The following PLCH1 variants were observed in gnomAD, a reference collection of about 807,000 sequenced individuals.
The protein encoded by PLCH1 is 1-phosphatidylinositol 4,5-bisphosphate phosphodiesterase eta-1.
PLCH1 carries 60 observed loss-of-function variants against 126.7 expected under a neutral mutation model. The observed-to-expected ratio is 0.47, with a 90% CI of 0.38 to 0.59. PLCH1 has a LOEUF of 0.59. Ranked by LOEUF, PLCH1 falls within the 20% of genes least tolerant of loss-of-function variation. The probability of loss-of-function intolerance (pLI) is 0.00; values close to 1 mark genes in which losing one functional copy is unlikely to be tolerated. For missense variants in PLCH1, 1,723 were observed against 2,040.0 expected, an observed-to-expected ratio of 0.84 and a Z score of 2.99; for synonymous variants, 719 against 734.9, an observed-to-expected ratio of 0.98 and a Z score of 0.35.
In PLCH1 at chr3:155,482,258, A is replaced by C. The variant is rs1714211893; in HGVS notation, c.3768T>G (p.Ser1256=). Residue 1256 remains serine (S), a synonymous_variant, in exon 23 of 23, where the codon TCT becomes TCG. Transcript: ENST00000460012. The part of the protein sequence containing the change: ...SSPELIALSS[S]ETTKHATNTV... ...TGTTCGTTGCATGTTTGGTGGTCTCAGAACTCGAGAGTGCTATCAGCTCCG... is the reference window on the plus strand; with the variant it reads ...TGTTCGTTGCATGTTTGGTGGTCTCCGAACTCGAGAGTGCTATCAGCTCCG... The C allele has an allele frequency of 6.2e-7, 1 of 1,614,182 alleles. No individual in the cohort carries two copies. Among genetic ancestry groups the C allele is most frequent in the Non-Finnish European group, 8.5e-7 (1 of 1,179,994 alleles).
chr3:155,581,080 A>T (rs1419422511), intron 6 of PLCH1, among the ~76,000 whole-genome samples: 7 of 152,198 alleles, frequency 4.6e-5, no homozygotes, highest in East Asian at 1.9e-4. Context: ...AAGGAAGAAA[A>T]CACAATTGTC....
chr3:155,723,077 C>T (rs1246860208), intron 1 of PLCH1, among the ~76,000 whole-genome samples: 1 of 152,124 alleles, frequency 6.6e-6, no homozygotes, highest in Non-Finnish European at 1.5e-5. Flanking sequence ...GGAATTTATC[C>T]ATCTTCTCTA....
At chr3:155,651,972 A>C (rs1445818631) in intron 2 of PLCH1, among the ~76,000 whole-genome samples, 1 of 152,224 alleles carries the variant, frequency 6.6e-6, no homozygotes, top group Non-Finnish European at 1.5e-5. Context: ...AAACTATGTA[A>C]GTTCTGCCTC....
chr3:155,458,434 G>GA (rs1395240228), intron 21 of PLCH1, among the ~76,000 whole-genome samples: 5 of 86,728 alleles, frequency 5.8e-5, no homozygotes, highest in African/African-American at 2.3e-4. Flanking sequence ...AGGAAGGAAG[G>GA]AAGGAAGGAA....
At chr3:155,515,466 T>C (rs1720192750) in intron 11 of PLCH1, among the ~76,000 whole-genome samples, 3 of 152,278 alleles carry the variant, frequency 2.0e-5, no homozygotes, top group Non-Finnish European at 4.4e-5. Flanking sequence ...ATATATTTCC[T>C]TACTATTTCC....
intron 21 of PLCH1, among the ~76,000 whole-genome samples, chr3:155,467,426 T>C (rs779831918): frequency 1.3e-5 from 2 of 151,798 alleles, no homozygotes; most frequent in African/African-American, 4.8e-5. Flanking sequence ...ATACAAAAAT[T>C]AGCTGGACGT....
intron 10 of PLCH1, among the ~76,000 whole-genome samples, chr3:155,545,723 G>C (rs143408579): frequency 2.0e-5 from 3 of 149,820 alleles, no homozygotes; most frequent in African/African-American, 7.3e-5. Flanking sequence ...GGGATGCAAG[G>C]CTGGTTCAAT....
rs980626279 is a variant in PLCH1, at chr3:155,484,305, G to A, written c.2974+1051C>T. ...TGAATATAGCTTTATTTTTCCCAAAGATGGGGTTTTAAAATACATTTTAAG... is the reference window on the plus strand; with the variant it reads ...TGAATATAGCTTTATTTTTCCCAAAAATGGGGTTTTAAAATACATTTTAAG... On this transcript the variant is annotated intron_variant, in intron 22 of 22. Transcript: ENST00000460012. Among the ~76,000 whole-genome samples, 7 of 152,244 alleles carry A rather than the reference G, an allele frequency of 4.6e-5. No homozygotes were observed. In the South Asian group the frequency reaches 1.4e-3, roughly 32 times the overall value.
rs542661610 is a variant in PLCH1, at chr3:155,469,117, G to A, written c.2938+16239C>T. Among the ~76,000 whole-genome samples, 981 of 152,222 alleles carry A rather than the reference G, an allele frequency of 6.4e-3. 8 individuals carry two copies. Among genetic ancestry groups the A allele is most frequent in the African/African-American group, 0.022 (928 of 41,512 alleles). On this transcript the variant is annotated intron_variant, in intron 21 of 21. Transcript: ENST00000494598. Reference sequence around the variant, plus strand: ...ACAGCTCCGGTCTACAGCTCCCAACGTGAGCGACGCAGAAGACGGGTGATT... The same window carrying A: ...ACAGCTCCGGTCTACAGCTCCCAACATGAGCGACGCAGAAGACGGGTGATT...
intron 21 of PLCH1, among the ~76,000 whole-genome samples, chr3:155,472,777 C>T (rs1327744783): frequency 1.0e-4 from 15 of 145,086 alleles, no homozygotes; most frequent in East Asian, 8.1e-4. Flanking sequence ...GTTCAATATA[C>T]GTAAATCAAT....
At chr3:155,738,735 C>G (rs902774398) in intron 1 of PLCH1, among the ~76,000 whole-genome samples, 6 of 150,790 alleles carry the variant, frequency 4.0e-5, no homozygotes, top group Non-Finnish European at 7.4e-5. Context: ...TGCAGTGAGC[C>G]GAGATCCCCC....
intron 1 of PLCH1, among the ~76,000 whole-genome samples, chr3:155,710,178 C>T (rs572071826): frequency 8.3e-4 from 127 of 152,138 alleles, no homozygotes; most frequent in African/African-American, 2.6e-3. Flanking sequence ...TTAGTAGAGA[C>T]GGGATTTCAC....
At chr3:155,538,299 A>T (rs979938876) in intron 10 of PLCH1, among the ~76,000 whole-genome samples, 3 of 152,180 alleles carry the variant, frequency 2.0e-5, no homozygotes, top group Non-Finnish European at 2.9e-5. Flanking sequence ...AAAGTCTGAA[A>T]GAGGACAAAC....
At chr3:155,698,259 A>C (rs1375961482) in intron 2 of PLCH1, among the ~76,000 whole-genome samples, 1 of 152,226 alleles carries the variant, frequency 6.6e-6, no homozygotes, top group African/African-American at 2.4e-5. Context: ...AAAAAATGAA[A>C]GAACTTTAGA....
rs193131805 is a variant in PLCH1, at chr3:155,568,833, C to T, written c.772-509G>A. Among the ~76,000 whole-genome samples, 56 of 151,484 alleles carry T rather than the reference C, an allele frequency of 3.7e-4. No individual in the cohort carries two copies. In the East Asian group the frequency reaches 9.5e-3, roughly 26 times the overall value. On this transcript the variant is annotated intron_variant, in intron 6 of 22. Transcript: ENST00000460012. ...AGCAGAGCAGTCTGCCATGGTAATACAGGAACACAAAGGTTAGCAAGAGGA... is the reference window on the plus strand; with the variant it reads ...AGCAGAGCAGTCTGCCATGGTAATATAGGAACACAAAGGTTAGCAAGAGGA...
At chr3:155,669,183 C>G (rs534728699) in intron 2 of PLCH1, among the ~76,000 whole-genome samples, 2 of 149,872 alleles carry the variant, frequency 1.3e-5, no homozygotes, top group Admixed American at 6.6e-5. Context: ...CATTTGTGGT[C>G]AAAAACAGTA....
chr3:155,712,479 A>T (rs1033028454), intron 1 of PLCH1, among the ~76,000 whole-genome samples: 17 of 152,232 alleles, frequency 1.1e-4, no homozygotes, highest in Admixed American at 2.6e-4. Flanking sequence ...GATTTGTTCA[A>T]GCCACTTGAA....
At chr3:155,513,130 C>T (rs1268112198) in intron 12 of PLCH1, among the ~76,000 whole-genome samples, 1 of 152,190 alleles carries the variant, frequency 6.6e-6, no homozygotes, top group Non-Finnish European at 1.5e-5. Flanking sequence ...CTGCCCAGAG[C>T]CATACTCAGC....
intron 2 of PLCH1, among the ~76,000 whole-genome samples, chr3:155,599,484 A>T (rs1170230596): frequency 1.3e-5 from 2 of 152,148 alleles, no homozygotes; most frequent in African/African-American, 2.4e-5. Context: ...GAGCTAGATA[A>T]AACCAGGTTG....
Sources: gnomAD v4.1 joint callset for allele counts (sites outside exome capture counted in the v4.1 genomes callset) on GRCh38, gnomAD v4.1.1 for gene constraint, MANE v1.5 for transcripts, NCBI Gene and HGNC (gene_info 2026-07-23, HGNC 2026-07-21) for gene names.